The following CCSER1 variants were observed in gnomAD, a reference collection of about 807,000 sequenced individuals.
CCSER1 encodes coiled-coil serine rich protein 1.
CCSER1 carries 41 observed loss-of-function variants against 82.0 expected under a neutral mutation model. The ratio of observed to expected loss-of-function variants is 0.50; its 90% confidence interval spans 0.39 to 0.65. The LOEUF is 0.65. Ranked by LOEUF, CCSER1 falls within the 30% of genes least tolerant of loss-of-function variation. The probability of loss-of-function intolerance (pLI) is 0.00; values close to 1 mark genes in which losing one functional copy is unlikely to be tolerated. For missense variants in CCSER1, 1,119 were observed against 1,064.2 expected, an observed-to-expected ratio of 1.05 and a Z score of -0.72; for synonymous variants, 414 against 383.9, an observed-to-expected ratio of 1.08 and a Z score of -0.92.
intron 9 of CCSER1, among the ~76,000 whole-genome samples, chr4:91,080,846 AC>A (rs1722631062): frequency 6.6e-6 from 1 of 152,112 alleles, no homozygotes; most frequent in Non-Finnish European, 1.5e-5. Flanking sequence ...GGACACATAC[AC>A]CCTCCCAAGA....
chr4:91,445,756 G>A (rs945090069), intron 10 of CCSER1, among the ~76,000 whole-genome samples: 1 of 151,786 alleles, frequency 6.6e-6, no homozygotes, highest in African/African-American at 2.4e-5. Flanking sequence ...ATTTGCAAAG[G>A]TACCTTCTAT....
chr4:91,391,788 A>T (rs188479762), intron 10 of CCSER1, among the ~76,000 whole-genome samples: 60 of 152,218 alleles, frequency 3.9e-4, no homozygotes, highest in Non-Finnish European at 6.3e-4. Flanking sequence ...AAAATGTTCT[A>T]TGTGAGGCTG....
chr4:90,597,426 C>T (rs1010586392), intron 5 of CCSER1, among the ~76,000 whole-genome samples: 2 of 151,944 alleles, frequency 1.3e-5, no homozygotes, highest in East Asian at 3.9e-4. Flanking sequence ...ATACAATAAA[C>T]TGCATGTTTT....
At chr4:90,738,535 C>T (rs1335382902) in intron 7 of CCSER1, among the ~76,000 whole-genome samples, 1 of 152,142 alleles carries the variant, frequency 6.6e-6, no homozygotes, top group Non-Finnish European at 1.5e-5. Flanking sequence ...CCTGTTGCCA[C>T]CTCACTGGGA....
chr4:90,998,447 A>G (rs1429934881), intron 9 of CCSER1, among the ~76,000 whole-genome samples: 5 of 152,214 alleles, frequency 3.3e-5, no homozygotes, highest in Non-Finnish European at 5.9e-5. Flanking sequence ...AAAATTTTAC[A>G]CAACTTTTTC....
chr4:90,672,517 T>A (rs559340600), intron 6 of CCSER1, among the ~76,000 whole-genome samples: 1 of 152,174 alleles, frequency 6.6e-6, no homozygotes, highest in South Asian at 2.1e-4. Context: ...GATCTTCTAT[T>A]GAGATCACAA....
intron 10 of CCSER1, among the ~76,000 whole-genome samples, chr4:91,552,828 T>C (rs1220327866): frequency 1.3e-5 from 2 of 151,658 alleles, no homozygotes; most frequent in Non-Finnish European, 2.9e-5. Flanking sequence ...TAAAAAAAGA[T>C]AATTTTTTCT....
At chr4:91,359,043 C>G (rs1379665953) in intron 10 of CCSER1, among the ~76,000 whole-genome samples, 1 of 152,170 alleles carries the variant, frequency 6.6e-6, no homozygotes, top group Admixed American at 6.5e-5. Context: ...CGGCAAGCTA[C>G]TGCCTTAAAA....
intron 1 of CCSER1, among the ~76,000 whole-genome samples, chr4:90,167,668 C>A (rs916777995): frequency 2.0e-4 from 30 of 150,412 alleles, no homozygotes; most frequent in Admixed American, 1.5e-3. Context: ...TGTTCCCCTT[C>A]CTGTGTCCAT....
intron 10 of CCSER1, among the ~76,000 whole-genome samples, chr4:91,142,019 C>A (rs1729080450): frequency 6.6e-6 from 1 of 152,096 alleles, no homozygotes; most frequent in African/African-American, 2.4e-5. Context: ...TTGTCAGATT[C>A]AAAATTTGTG....
chr4:90,732,615 TC>T (rs1198513586), intron 7 of CCSER1, among the ~76,000 whole-genome samples: 5 of 152,136 alleles, frequency 3.3e-5, no homozygotes, highest in African/African-American at 1.2e-4. Flanking sequence ...TTTATGGAAA[TC>T]TTTATATGTA....
chr4:91,597,453 A>AT lies in CCSER1; in HGVS notation c.2218-1115dup, dbSNP rs528702823. Among the ~76,000 whole-genome samples, 238 of 152,234 alleles carry AT rather than the reference A, an allele frequency of 1.6e-3. 1 individual carries two copies. The highest frequency in any genetic ancestry group is 2.0e-3 in the Non-Finnish European group (136 of 67,978). On this transcript the variant is annotated intron_variant, in intron 10 of 10. Transcript: ENST00000509176. The stretch of plus-strand genomic sequence containing the variant: ...ATATTTTGTAAATAGCAAGGACCTG[A>AT]TTTTAAGGTGTATGAAGAAAAGAGA...
chr4:90,378,658 A>G (rs1344761363), intron 3 of CCSER1, among the ~76,000 whole-genome samples: 3 of 152,202 alleles, frequency 2.0e-5, no homozygotes, highest in African/African-American at 7.2e-5. Context: ...GCCTAAGACA[A>G]TGTATTTGAT....
At chr4:90,561,688 T>C (rs890897051) in intron 5 of CCSER1, among the ~76,000 whole-genome samples, 2 of 152,194 alleles carry the variant, frequency 1.3e-5, no homozygotes, top group African/African-American at 4.8e-5. Flanking sequence ...TTATATGCAA[T>C]AGTGTAACCA....
At chr4:90,549,486 C>T (rs77794067) in intron 5 of CCSER1, among the ~76,000 whole-genome samples, 1,886 of 152,074 alleles carry the variant, frequency 0.012, 48 homozygotes, top group African/African-American at 0.044. Flanking sequence ...ATTCATGGCA[C>T]TGTTTAAATA....
intron 10 of CCSER1, among the ~76,000 whole-genome samples, chr4:91,574,885 AAAAT>A (rs1265515209): frequency 6.6e-6 from 1 of 152,106 alleles, no homozygotes; most frequent in Non-Finnish European, 1.5e-5. Context: ...CCGAGAATCT[AAAAT>A]AAAAGTTGAA....
rs1299717596 is a variant in CCSER1 at position 91,218,897 on chromosome 4, G to C, written c.2217+132903G>C. Among the ~76,000 whole-genome samples the C allele has an allele frequency of 2.6e-5, 4 of 152,126 alleles. No individual in the cohort carries two copies. In the South Asian group the frequency reaches 8.3e-4, roughly 31 times the overall value. On this transcript the variant is annotated intron_variant, in intron 10 of 10. Coordinates refer to ENST00000509176, the MANE Select transcript of CCSER1 (RefSeq NM_001145065.2). Reference sequence around the variant, plus strand: ...TAGAATCCTATTCTTGGTAATTGACGTAATGTCAACACTAAATACGATACA... The same window carrying C: ...TAGAATCCTATTCTTGGTAATTGACCTAATGTCAACACTAAATACGATACA...
At chr4:91,296,486 T>TATATATATATATATATATATA (rs1578139948) in intron 10 of CCSER1, among the ~76,000 whole-genome samples, 1 of 140,550 alleles carries the variant, frequency 7.1e-6, no homozygotes, top group African/African-American at 2.7e-5. Flanking sequence ...TATATATATA[T>TATATATATATATATATATATA]TTTAATTAAA....
chr4:90,935,611 A>G (rs1439832638), intron 9 of CCSER1, among the ~76,000 whole-genome samples: 2 of 152,218 alleles, frequency 1.3e-5, no homozygotes, highest in Non-Finnish European at 2.9e-5. Flanking sequence ...AATAAAGGGA[A>G]TGGTTTCCCA....
Sources: allele counts gnomAD v4.1 joint callset (sites outside exome capture counted in the v4.1 genomes callset), GRCh38; gene constraint gnomAD v4.1.1; transcripts MANE v1.5; gene names NCBI Gene and HGNC (gene_info 2026-07-23, HGNC 2026-07-21).